RFPL3: variants seen among roughly 807,000 people sequenced by gnomAD.
RFPL3 encodes ret finger protein like 3.
RFPL3 carries 8 observed loss-of-function variants against 8.7 expected under a neutral mutation model. The observed-to-expected ratio is 0.92, with a 90% CI of 0.54 to 1.66. RFPL3 has a LOEUF of 1.66. Among genes scored for constraint, RFPL3 ranks in the 40% most tolerant of loss-of-function variants. RFPL3 has a pLI of 0.00. For missense variants in RFPL3, 341 were observed against 395.0 expected (o/e 0.86, Z 1.16); for synonymous variants, 145 against 150.5 (o/e 0.96, Z 0.27).
chr22:32,357,967 A>C lies in RFPL3; in HGVS notation c.-105A>C. On this transcript the variant is annotated 5_prime_UTR_variant, in exon 1 of 2. Coordinates refer to ENST00000249007, the MANE Select transcript of RFPL3 (RefSeq NM_001098535.1). ...AGTGATGATTCGTGACTTTCCCAATAGAACTTCAAATCTCTGAGGACGGGG... is the reference window on the plus strand; with the variant it reads ...AGTGATGATTCGTGACTTTCCCAATCGAACTTCAAATCTCTGAGGACGGGG... 1 of 1,539,636 alleles carries C rather than the reference A, an allele frequency of 6.5e-7. No individual in the cohort carries two copies. Among genetic ancestry groups the C allele is most frequent in the Non-Finnish European group, 8.8e-7 (1 of 1,142,384 alleles).
chr22:32,360,200 C>T, intron 1 of RFPL3, 52 bp from the exon 2 acceptor site: 2 of 1,562,322 alleles, frequency 1.3e-6, no homozygotes, highest in Non-Finnish European at 1.7e-6. Context: ...AGAAGAGAGG[C>T]ATGGGGTTGG....
upstream of RFPL3, among the ~76,000 whole-genome samples, chr22:32,356,057 A>G (rs73400811): frequency 0.075 from 11,476 of 152,092 alleles, 477 homozygotes; most frequent in African/African-American, 0.11. Flanking sequence ...GCGGGCCCCA[A>G]ATGTAAGACC....
chr22:32,355,451 T>G (rs912197069), upstream of RFPL3, among the ~76,000 whole-genome samples: 1 of 151,940 alleles, frequency 6.6e-6, no homozygotes, highest in African/African-American at 2.4e-5. Context: ...GGACCTGGTT[T>G]TCCACCCGAG....
At chr22:32,355,508 A>C (rs1034237258), upstream of RFPL3, among the ~76,000 whole-genome samples, 1 of 152,058 alleles carries the variant, frequency 6.6e-6, no homozygotes, top group African/African-American at 2.4e-5. Context: ...TGCATCCTCC[A>C]AAGAAGGCCA....
At chr22:32,356,757 C>T, upstream of RFPL3, 1 of 381,060 alleles carries the variant, frequency 2.6e-6, no homozygotes. Flanking sequence ...GCAGGACCTC[C>T]ACTGGTCGGG....
upstream of RFPL3, chr22:32,357,826 T>A (rs2899185): frequency 0.069 from 94,975 of 1,368,300 alleles, 6,952 homozygotes; most frequent in East Asian, 0.46. Context: ...CCCTAGGAGG[T>A]GGTGAAATGA....
upstream of RFPL3, chr22:32,356,738 G>A (rs1435772960): frequency 5.3e-6 from 2 of 377,154 alleles, no homozygotes; most frequent in Non-Finnish European, 5.2e-6. Flanking sequence ...CCTTACAGCT[G>A]TAGCTGCTGC....
chr22:32,355,081 G>A (rs1932620527), upstream of RFPL3, among the ~76,000 whole-genome samples: 1 of 133,286 alleles, frequency 7.5e-6, no homozygotes, highest in Non-Finnish European at 1.6e-5. Context: ...CCCCCACTTG[G>A]CATCATTTAT....
At chr22:32,358,866 A>T (rs1284722601) in intron 1 of RFPL3, among the ~76,000 whole-genome samples, 1 of 152,232 alleles carries the variant, frequency 6.6e-6, no homozygotes, top group Admixed American at 6.5e-5. Context: ...TTTCTAATGC[A>T]CAGTGAATAT....
chr22:32,360,202 T>C, intron 1 of RFPL3, 50 bp from the exon 2 acceptor site: 7 of 1,564,588 alleles, frequency 4.5e-6, no homozygotes, highest in Non-Finnish European at 6.1e-6. Flanking sequence ...AAGAGAGGCA[T>C]GGGGTTGGCT....
upstream of RFPL3, chr22:32,356,700 C>T (rs942762360): frequency 3.0e-6 from 1 of 334,894 alleles, no homozygotes; most frequent in African/African-American, 2.3e-5. Context: ...GGGCCACTGT[C>T]TTCTCCACAG....
At chr22:32,357,531 A>G (rs529337087), upstream of RFPL3, among the ~76,000 whole-genome samples, 1 of 151,864 alleles carries the variant, frequency 6.6e-6, no homozygotes, top group Non-Finnish European at 1.5e-5. Context: ...CAATGGCACA[A>G]TCTTGGCTCA....
upstream of RFPL3, chr22:32,357,089 T>C (rs3788447): frequency 0.059 from 19,370 of 330,654 alleles, 1,339 homozygotes; most frequent in African/African-American, 0.23. Context: ...AGTGCCAGTG[T>C]AGGACCCCTC....
chr22:32,359,189 A>G (rs1157654744), intron 1 of RFPL3, among the ~76,000 whole-genome samples: 2 of 152,150 alleles, frequency 1.3e-5, no homozygotes. Context: ...CTACTCATCC[A>G]TCTACCCATA....
upstream of RFPL3, among the ~76,000 whole-genome samples, chr22:32,356,236 G>A (rs1932663525): frequency 6.6e-6 from 1 of 152,152 alleles, no homozygotes; most frequent in East Asian, 1.9e-4. Flanking sequence ...CTTGACTAGG[G>A]TAGGGACAGA....
upstream of RFPL3, among the ~76,000 whole-genome samples, chr22:32,355,629 T>C (rs1932638311): frequency 6.6e-6 from 1 of 151,916 alleles, no homozygotes; most frequent in Non-Finnish European, 1.5e-5. Context: ...CCCATCAATA[T>C]TGAGGCCTTG....
At position 32,360,305 on chromosome 22, in the gene RFPL3, G is replaced by A. The variant is rs200359803; in HGVS notation, c.427G>A (p.Asp143Asn). The A allele has an allele frequency of 6.2e-6, 10 of 1,613,784 alleles. No individual in the cohort carries two copies. The African/African-American group carries it at 6.7e-5, about 11-fold the overall frequency. The change falls in exon 2 of 2, where the codon GAC becomes AAC. Residue 143 changes from aspartate to asparagine, a missense_variant. Physicochemically the swap from Asp to Asn is conservative, Grantham distance 23 (BLOSUM62 1). Transcript: ENST00000249007. Reference sequence around the variant, plus strand: ...CAACAACTTCCTCCTCATTTCTGACGACCTCAGGAGCGTCCGAAGTGGGCT... The same window carrying A: ...CAACAACTTCCTCCTCATTTCTGACAACCTCAGGAGCGTCCGAAGTGGGCT... ...TANNFLLISD[D>N]LRSVRSGLIT...
rs767866339 is a variant in RFPL3, at chr22:32,360,279, C to G, written c.401C>G (p.Ala134Gly). 2 of 1,613,544 alleles carry G rather than the reference C, an allele frequency of 1.2e-6. No homozygotes were observed. The highest frequency in any genetic ancestry group is 2.7e-5 in the African/African-American group (2 of 74,904). ...QVDMTLDADT[A>G]NNFLLISDDL... ...GATATGACCTTGGATGCCGACACAG[C>G]CAACAACTTCCTCCTCATTTCTGAC... Residue 134 changes from alanine (A) to glycine (G), a missense_variant, in exon 2 of 2, where the codon GCC (alanine) becomes GGC (glycine). Coordinates refer to ENST00000249007, the MANE Select transcript of RFPL3 (RefSeq NM_001098535.1).
chr22:32,356,462 C>T (rs983763880), upstream of RFPL3, among the ~76,000 whole-genome samples: 1 of 152,132 alleles, frequency 6.6e-6, no homozygotes, highest in Non-Finnish European at 1.5e-5. Context: ...AGTAATCCCC[C>T]CTTACACACA....
Sources: gnomAD v4.1 joint callset for allele counts (sites outside exome capture counted in the v4.1 genomes callset) on GRCh38, gnomAD v4.1.1 for gene constraint, MANE v1.5 for transcripts, NCBI Gene and HGNC (gene_info 2026-07-23, HGNC 2026-07-21) for gene names.